PLB1: variants seen among roughly 807,000 people sequenced by gnomAD.
PLB1 encodes the protein phospholipase B1, membrane-associated.
PLB1 carries 242 observed loss-of-function variants against 227.4 expected under a neutral mutation model. The observed-to-expected ratio is 1.06, with a 90% confidence interval of 0.96 to 1.18. The LOEUF is 1.18. PLB1 is among the 50% of genes most tolerant of loss of function. The pLI is 0.00. For missense variants in PLB1, 1,858 were observed against 1,816.3 expected (o/e 1.02, Z -0.42); for synonymous variants, 757 against 682.2 (o/e 1.11, Z -1.71).
chr2:28,642,074 C>A (rs547679856), intron 57 of PLB1, among the ~76,000 whole-genome samples: 1 of 152,332 alleles, frequency 6.6e-6, no homozygotes, highest in Non-Finnish European at 1.5e-5. Context: ...CCGCCTCCCT[C>A]CAGGTCCAGA....
intron 3 of PLB1, among the ~76,000 whole-genome samples, chr2:28,518,764 G>A (rs373430005): frequency 6.6e-6 from 1 of 152,194 alleles, no homozygotes; most frequent in African/African-American, 2.4e-5. Flanking sequence ...GGTGGATGGT[G>A]TTGTGGGAAC....
At chr2:28,625,857 A>G (rs1337822066) in intron 50 of PLB1, among the ~76,000 whole-genome samples, 1 of 151,800 alleles carries the variant, frequency 6.6e-6, no homozygotes, top group East Asian at 1.9e-4. Flanking sequence ...TTAAGATTTC[A>G]AGGGGAAAAT....
chr2:28,539,901 C>T (rs1452526062), intron 11 of PLB1, among the ~76,000 whole-genome samples: 1 of 151,524 alleles, frequency 6.6e-6, no homozygotes, highest in African/African-American at 2.4e-5. Context: ...GAGCTTTCCT[C>T]CATTCCATAT....
intron 20 of PLB1, among the ~76,000 whole-genome samples, chr2:28,567,764 T>TA (rs1221794798): frequency 6.6e-6 from 1 of 152,192 alleles, no homozygotes; most frequent in African/African-American, 2.4e-5. Flanking sequence ...AATGATTTTT[T>TA]AAAGTCTGAT....
At position 28,589,695 on chromosome 2, in the gene PLB1, T is replaced by G. The variant is rs1464702289; in HGVS notation, c.1941T>G (p.Ser647=). 6.2e-7 allele frequency: 1 copy of G among 1,614,144 alleles called. No homozygotes were observed. The highest frequency in any genetic ancestry group is 8.5e-7 in the Non-Finnish European group (1 of 1,180,016). ...PKTSEGLPDN[S]FFAPDCFHFS... The stretch of plus-strand genomic sequence containing the variant: ...ACCAGGAAGGATTGCCTGACAACTC[T>G]TTCTTCGCTCCTGACTGTTTCCACT... The change falls in exon 28 of 58, where the codon TCT becomes TCG. Residue 647 remains serine (S), a synonymous_variant. Transcript: ENST00000327757.
chr2:28,519,609 C>T, intron 3 of PLB1, 96 bp from the exon 4 acceptor site: 1 of 910,648 alleles, frequency 1.1e-6, no homozygotes, highest in South Asian at 1.5e-5. Flanking sequence ...TGTCCAGGGG[C>T]TGGGGAATGT....
At chr2:28,555,106 T>C (rs1261922665) in intron 17 of PLB1, among the ~76,000 whole-genome samples, 1 of 150,630 alleles carries the variant, frequency 6.6e-6, no homozygotes, top group Non-Finnish European at 1.5e-5. Flanking sequence ...AACTGGCCAA[T>C]AATGAAAAAT....
At chr2:28,640,058 G>T (rs1348746141) in intron 56 of PLB1, among the ~76,000 whole-genome samples, 1 of 152,190 alleles carries the variant, frequency 6.6e-6, no homozygotes, top group Non-Finnish European at 1.5e-5. Flanking sequence ...GGGTGTAAAA[G>T]GCCTTCAGAC....
Position 28,603,953 on chromosome 2 carries a change from C to T in PLB1, c.2775-13C>T, listed in dbSNP as rs374944488. 7.4e-6 allele frequency: 12 copies of T among 1,613,636 alleles called. No homozygotes were observed. The highest frequency in any genetic ancestry group is 1.0e-5 in the Non-Finnish European group (12 of 1,179,538). Reference sequence around the variant, plus strand: ...TGAGCTCTGGGGCCTCCTGCCTCCCCCTCTTTGTGCAGCGTTTTGTGTAAC... The same window carrying T: ...TGAGCTCTGGGGCCTCCTGCCTCCCTCTCTTTGTGCAGCGTTTTGTGTAAC... On this transcript the variant is annotated splice_polypyrimidine_tract_variant and intron_variant, in intron 39 of 57. Coordinates refer to ENST00000327757, the MANE Select transcript of PLB1 (RefSeq NM_153021.5).
At chr2:28,502,431 ATATTAAAT>A (rs1280679982) in intron 1 of PLB1, among the ~76,000 whole-genome samples, 1 of 152,178 alleles carries the variant, frequency 6.6e-6, no homozygotes, top group Non-Finnish European at 1.5e-5. Flanking sequence ...TCAGAAATTC[ATATTAAAT>A]TTTGTTAAAG....
chr2:28,618,454 C>A, intron 46 of PLB1, 55 bp downstream of exon 46: 2 of 1,553,192 alleles, frequency 1.3e-6, no homozygotes, highest in South Asian at 1.1e-5. Context: ...CCAGGCCCTG[C>A]GCAGAATCTG....
At chr2:28,597,162 G>A (rs569275121) in intron 33 of PLB1, among the ~76,000 whole-genome samples, 3 of 148,684 alleles carry the variant, frequency 2.0e-5, no homozygotes, top group Admixed American at 6.6e-5. Context: ...TACTCGGGAG[G>A]CTGAGGCAGG....
chr2:28,567,757 G>T (rs1467146632), intron 20 of PLB1, among the ~76,000 whole-genome samples: 1 of 152,028 alleles, frequency 6.6e-6, no homozygotes, highest in African/African-American at 2.4e-5. Flanking sequence ...CAGGCGGAAT[G>T]ATTTTTTAAA....
chr2:28,523,781 C>T (rs1669866372), intron 4 of PLB1, among the ~76,000 whole-genome samples: 1 of 152,232 alleles, frequency 6.6e-6, no homozygotes, highest in African/African-American at 2.4e-5. Context: ...ATTGAATCAG[C>T]TGCCAACACT....
intron 11 of PLB1, among the ~76,000 whole-genome samples, chr2:28,540,106 G>A (rs1365392158): frequency 4.3e-5 from 2 of 46,464 alleles, no homozygotes; most frequent in South Asian, 1.7e-3. Context: ...ATCCCATATC[G>A]ACCCCCTAGG....
At chr2:28,499,719 C>G (rs1318625595) in intron 1 of PLB1, among the ~76,000 whole-genome samples, 2 of 152,046 alleles carry the variant, frequency 1.3e-5, no homozygotes, top group Non-Finnish European at 2.9e-5. Flanking sequence ...AACCCTATCT[C>G]TACAAAAATA....
chr2:28,585,223 TCAG>T (rs984228864), intron 25 of PLB1, among the ~76,000 whole-genome samples: 3 of 152,108 alleles, frequency 2.0e-5, no homozygotes, highest in Admixed American at 1.3e-4. Context: ...CCTACAGAAA[TCAG>T]AAGAAGTCTA....
rs1690145303 is a variant in PLB1 at position 28,643,040 on chromosome 2, C to T, written c.4356C>T (p.Ser1452=). Residue 1452 remains serine, a synonymous_variant, in exon 58 of 58, where the codon AGC becomes AGT. Transcript: ENST00000327757. The part of the protein sequence containing the change: ...RGGRREDPPM[S]LRTVAL ...GCCGGAGGGAAGATCCTCCAATGAG[C>T]CTGCGCACTGTGGCCCTCTAGGCCC... 1.2e-6 allele frequency: 2 copies of T among 1,607,166 alleles called. No individual in the cohort carries two copies. The highest frequency in any genetic ancestry group is 2.7e-5 in the African/African-American group (2 of 74,838).
chr2:28,627,777 C>G (rs556812626), intron 51 of PLB1, among the ~76,000 whole-genome samples: 24 of 152,288 alleles, frequency 1.6e-4, no homozygotes, highest in African/African-American at 5.3e-4. Flanking sequence ...TGAGCTCTCC[C>G]CTCCTGCCTG....
Sources: allele counts gnomAD v4.1 joint callset (sites outside exome capture counted in the v4.1 genomes callset), GRCh38; gene constraint gnomAD v4.1.1; transcripts MANE v1.5; gene names NCBI Gene and HGNC (gene_info 2026-07-23, HGNC 2026-07-21).